Variants in UCP3 observed in about 807,000 individuals in gnomAD.
The protein encoded by UCP3 is uncoupling protein 3.
Under a neutral mutation model 28.1 loss-of-function variants are expected in UCP3, and 24 were observed. The ratio of observed to expected loss-of-function variants is 0.85; its 90% CI spans 0.62 to 1.20. The LOEUF (loss-of-function observed/expected upper bound fraction) is 1.20, where lower values mean the gene tolerates loss of function less well. Among genes scored for constraint, UCP3 ranks in the 50% most tolerant of loss-of-function variants. The probability of loss-of-function intolerance (pLI) is 0.00; values close to 1 mark genes in which losing one functional copy is unlikely to be tolerated. For synonymous variants in UCP3, 184 were observed against 171.2 expected (o/e 1.07, Z -0.59); for missense variants, 397 against 422.2 (o/e 0.94, Z 0.52).
intron 1 of UCP3, 117 bp downstream of exon 1, chr11:74,008,860 CT>C (rs1412788359): frequency 6.6e-6 from 1 of 152,192 alleles, no homozygotes; most frequent in Non-Finnish European, 1.5e-5. Flanking sequence ...GTCTGACAAG[CT>C]GCAGCTAGTG....
chr11:74,003,509 T>TC, intron 6 of UCP3: 1 of 1,057,076 alleles, frequency 9.5e-7, no homozygotes, highest in South Asian at 3.9e-5. Flanking sequence ...AGGAAGGCAC[T>TC]GGCCATGGTC....
rs556237795 is a variant in UCP3, at chr11:74,007,398, AG to A, written c.-95-262del. The A allele has an allele frequency of 1.7e-3, 391 of 227,098 alleles. 2 individuals are homozygous for A. Among genetic ancestry groups the A allele is most frequent in the African/African-American group, 8.3e-3 (369 of 44,502 alleles). 14.1% of individuals were successfully genotyped at this position (227,098 alleles called of 1,614,324 possible). A position where few individuals can be genotyped will look rare whatever the true frequency, so the allele number is the denominator to read the frequency against. ...CTGCACTGTATACATGAGGAAACCG[AG>A]GCTCAGGCATCTGTTCTCCCCAATA... On this transcript the variant is annotated intron_variant, in intron 1 of 6. Coordinates refer to ENST00000314032, the MANE Select transcript of UCP3 (RefSeq NM_003356.4).
At chr11:74,006,804 A>T in intron 2 of UCP3, 113 bp downstream of exon 2, 1 of 1,536,826 alleles carries the variant, frequency 6.5e-7, no homozygotes, top group Non-Finnish European at 9.0e-7. Flanking sequence ...GTGGAGTGAG[A>T]GTCTTTGTCA....
rs17848367 is a variant in UCP3 at position 74,006,351 on chromosome 11, G to A, written c.155C>T (p.Thr52Met). The change falls in exon 3 of 7, where the codon ACG becomes ATG. Residue 52 changes from threonine (T) to methionine (M), a missense_variant. Transcript: ENST00000314032. ...GCCACGGTACTGCACGAGCCGGGCCGTCTGGACCGCCTGGTTCTCCCCCTG... is the reference window on the plus strand; with the variant it reads ...GCCACGGTACTGCACGAGCCGGGCCATCTGGACCGCCTGGTTCTCCCCCTG... ...QIQGENQAVQ[T>M]ARLVQYRGVL... 361 of 1,584,260 alleles carry A rather than the reference G, an allele frequency of 2.3e-4. No individual in the cohort carries two copies. The African/African-American group carries it at 2.3e-3, about 10-fold the overall frequency.
chr11:74,005,857 A>T lies in UCP3; in HGVS notation c.414T>A (p.Asp138Glu). 2.5e-6 allele frequency: 4 copies of T among 1,614,094 alleles called. No homozygotes were observed. The highest frequency in any genetic ancestry group is 3.4e-6 in the Non-Finnish European group (4 of 1,180,036). Residue 138 changes from aspartate to glutamate, a missense_variant, in exon 4 of 7, where the codon GAT becomes GAA. Coordinates refer to ENST00000314032, the MANE Select transcript of UCP3 (RefSeq NM_003356.4). ...TGGCCTGAAATCGGACCTTCACCAC[A>T]TCTGTGGGCTGGGCACAGGTCACCG... Reference protein sequence around the residue: ...AMAVTCAQPTDVVKVRFQASI... With the variant: ...AMAVTCAQPTEVVKVRFQASI...
intron 1 of UCP3, among the ~76,000 whole-genome samples, chr11:74,008,086 C>T (rs923274489): frequency 2.0e-5 from 3 of 152,314 alleles, no homozygotes; most frequent in Non-Finnish European, 1.5e-5. Context: ...CTTCATAAGG[C>T]TACAAGTAGT....
At chr11:74,004,361 A>G in intron 5 of UCP3, 123 bp downstream of exon 5, 1 of 887,548 alleles carries the variant, frequency 1.1e-6, no homozygotes, top group African/African-American at 1.7e-5. Context: ...ACTTTTTACT[A>G]GGCACTGCTT....
chr11:74,004,141 G>C, intron 5 of UCP3, 134 bp from the exon 6 acceptor site: 1 of 1,455,788 alleles, frequency 6.9e-7, no homozygotes, highest in Non-Finnish European at 9.3e-7. Flanking sequence ...ACAGTGCCCT[G>C]GGCTAAGCTC....
In UCP3 at chr11:74,003,982, A is replaced by AG; in HGVS notation, c.668dup (p.Ala224CysfsTer72). 6.2e-7 allele frequency: 1 copy of AG among 1,614,118 alleles called. No individual in the cohort carries two copies. ...TGGCACAGAAGCCGGCTCCAAAGGCAGAGACAAAGTGGCAGGGGAAGTTGT... is the reference window on the plus strand; with the variant it reads ...TGGCACAGAAGCCGGCTCCAAAGGCAGGAGACAAAGTGGCAGGGGAAGTTGT... On this transcript the variant is annotated frameshift_variant, in exon 6 of 7. Coordinates refer to ENST00000314032, the MANE Select transcript of UCP3 (RefSeq NM_003356.4). LOFTEE classifies it high-confidence loss of function.
chr11:74,003,610 T>C, intron 6 of UCP3: 1 of 1,342,812 alleles, frequency 7.4e-7, no homozygotes, highest in Non-Finnish European at 9.5e-7. Flanking sequence ...TACCTATTCC[T>C]GGAGTGTTTG....
chr11:74,001,666 T>C (rs991250192), intron 6 of UCP3, 140 bp from the exon 7 acceptor site: 7 of 717,962 alleles, frequency 9.7e-6, no homozygotes, highest in Non-Finnish European at 1.7e-5. Context: ...CCTTTCAGTC[T>C]CTCTCTCTCT....
chr11:74,005,152 G>C (rs1419978072), intron 4 of UCP3, among the ~76,000 whole-genome samples: 1 of 152,170 alleles, frequency 6.6e-6, no homozygotes, highest in South Asian at 2.1e-4. Context: ...CATGCGGAGA[G>C]AGTCCTGCAT....
Position 74,000,439 on chromosome 11 carries a change from G to C in UCP3, c.*973C>G, listed in dbSNP as rs904131104. 5 of 51,240 alleles carry C rather than the reference G, an allele frequency of 9.8e-5. No individual in the cohort carries two copies. The highest frequency in any genetic ancestry group is 2.3e-4 in the Admixed American group (1 of 4,362). 3.2% of individuals were successfully genotyped at this position (51,240 alleles called of 1,614,324 possible). On this transcript the variant is annotated 3_prime_UTR_variant, in exon 7 of 7. Transcript: ENST00000314032. The stretch of plus-strand genomic sequence containing the variant: ...AGGTACTCATGATTGAGCACGTGGT[G>C]GGGGGGGTGGGGAAGAGGCTGCATG...
At chr11:74,003,060 T>C (rs958526599) in intron 6 of UCP3, 35 of 566,256 alleles carry the variant, frequency 6.2e-5, no homozygotes, top group Admixed American at 1.9e-4. Flanking sequence ...ATGTGGACAA[T>C]ACTACCCAGT....
At position 74,001,377 on chromosome 11, in the gene UCP3, G is replaced by A. The variant is rs199928418; in HGVS notation, c.*35C>T. ...TTTTCTTCCATTCTTAACTGGTTTC[G>A]GACACGTTAGCTACCAGTGGCCTTC... On this transcript the variant is annotated 3_prime_UTR_variant, in exon 7 of 7. Transcript: ENST00000314032. 71 of 1,603,378 alleles carry A rather than the reference G, an allele frequency of 4.4e-5. 1 individual carries two copies. The East Asian group carries it at 6.7e-4, about 15-fold the overall frequency.
chr11:74,001,176 A>C lies in UCP3; in HGVS notation c.*236T>G, dbSNP rs1951619207. 1 of 545,004 alleles carries C rather than the reference A, an allele frequency of 1.8e-6. No homozygotes were observed. The highest frequency in any genetic ancestry group is 3.2e-5 in the Admixed American group (1 of 31,258). 33.8% of individuals were successfully genotyped at this position (545,004 alleles called of 1,614,324 possible). A position where few individuals can be genotyped will look rare whatever the true frequency, so the allele number is the denominator to read the frequency against. ...TTAGGCATGCCTAATGGGTTTCAAA[A>C]ATTAATATAATTTATTTTCCATCTT... On this transcript the variant is annotated 3_prime_UTR_variant, in exon 7 of 7. Transcript: ENST00000314032.
At position 74,001,146 on chromosome 11, in the gene UCP3, A is replaced by G; in HGVS notation, c.*266T>C. On this transcript the variant is annotated 3_prime_UTR_variant, in exon 7 of 7. Coordinates refer to ENST00000314032, the MANE Select transcript of UCP3 (RefSeq NM_003356.4). ...TATCTTGGTTTATTTTCTCTTGCCTAAATATTAGGCATGCCTAATGGGTTT... is the reference window on the plus strand; with the variant it reads ...TATCTTGGTTTATTTTCTCTTGCCTGAATATTAGGCATGCCTAATGGGTTT... The G allele has an allele frequency of 2.1e-6, 1 of 482,036 alleles. No homozygotes were observed. The highest frequency in any genetic ancestry group is 3.7e-6 in the Non-Finnish European group (1 of 267,772). 29.9% of individuals were successfully genotyped at this position (482,036 alleles called of 1,614,324 possible).
chr11:74,003,904 A>T lies in UCP3; in HGVS notation c.747T>A (p.Pro249=). 1.9e-6 allele frequency: 3 copies of T among 1,614,124 alleles called. No homozygotes were observed. Among genetic ancestry groups the T allele is most frequent in the Non-Finnish European group, 2.5e-6 (3 of 1,180,026 alleles). The part of the protein sequence containing the change: ...DVVKTRYMNS[P]PGQYFSPLDC... ...CGAGGGGGCTGAAGTACTGGCCTGG[A>T]GGTGAGTTCATATACCGGGTCTTCA... Residue 249 remains proline, a synonymous_variant, in exon 6 of 7, where the codon CCT becomes CCA. Transcript: ENST00000314032.
chr11:74,005,704 C>T lies in UCP3; in HGVS notation c.541+26G>A, dbSNP rs574161323. ...GGGGAGGGAAAGCTCTGCCTAAGAC[C>T]GCCTGCGTCCAGAGTCCAGACCTAC... On this transcript the variant is annotated intron_variant, in intron 4 of 6. Transcript: ENST00000314032. 41 of 1,613,216 alleles carry T rather than the reference C, an allele frequency of 2.5e-5. No individual in the cohort carries two copies. The South Asian group carries it at 3.0e-4, about 12-fold the overall frequency.
Sources: allele counts gnomAD v4.1 joint callset (sites outside exome capture counted in the v4.1 genomes callset), GRCh38; gene constraint gnomAD v4.1.1; transcripts MANE v1.5; gene names NCBI Gene and HGNC (gene_info 2026-07-23, HGNC 2026-07-21).